Variants in PEAK1 observed in about 807,000 individuals in gnomAD.
PEAK1 encodes pseudopodium enriched atypical kinase 1, also known as inactive tyrosine-protein kinase PEAK1.
Under a neutral mutation model 124.7 loss-of-function variants are expected in PEAK1, and 54 were observed. The ratio of observed to expected loss-of-function variants is 0.43; its 90% CI spans 0.35 to 0.54. The LOEUF (loss-of-function observed/expected upper bound fraction) is 0.54. Among genes scored for constraint, PEAK1 ranks in the 20% least tolerant of loss-of-function variants. PEAK1 has a pLI of 0.01. For missense variants in PEAK1, 2,046 were observed against 2,134.5 expected, an observed-to-expected ratio of 0.96 and a Z score of 0.82; for synonymous variants, 719 against 760.0, an observed-to-expected ratio of 0.95 and a Z score of 0.89.
intron 5 of PEAK1, among the ~76,000 whole-genome samples, chr15:77,261,343 G>A (rs576263808): frequency 6.6e-6 from 1 of 152,070 alleles, no homozygotes; most frequent in Admixed American, 6.6e-5. Context: ...GAGGAAGTTC[G>A]AACCCATGGC....
chr15:77,403,954 G>A (rs2071589045), intron 1 of PEAK1: 3 of 965,676 alleles, frequency 3.1e-6, no homozygotes, highest in Admixed American at 6.2e-5. Flanking sequence ...TTGTTGCATG[G>A]GTAAACTGCG....
chr15:77,181,839 G>C lies in PEAK1; in HGVS notation c.88C>G (p.Pro30Ala). The C allele has an allele frequency of 6.2e-7, 1 of 1,613,642 alleles. No homozygotes were observed. ...CFKPKSLHQL[P>A]PDPEKAPITH... ...ATGGGTGCCTTCTCAGGGTCTGGGG[G>C]AAGCTGGTGCAAACTTTTAGGTTTA... The change falls in exon 7 of 10, where the codon CCC becomes GCC. Residue 30 changes from proline to alanine, a missense_variant. Pro to Ala is a conservative substitution (Grantham distance 27, BLOSUM62 -1). Coordinates refer to ENST00000682557, the MANE Select transcript of PEAK1 (RefSeq NM_001385026.1).
rs1285590151 is a variant in PEAK1, at chr15:77,336,364, G to T, written c.-603+28799C>A. ...CTCTCACCAAAAAGCTCTCATTATA[G>T]AGACGTTTACTAGGAACCAAGGCAG... is the stretch of plus-strand genomic sequence containing the variant. On this transcript the variant is annotated intron_variant, in intron 2 of 9. Coordinates refer to ENST00000682557, the MANE Select transcript of PEAK1 (RefSeq NM_001385026.1). 5.1e-6 allele frequency: 5 copies of T among 985,404 alleles called. No individual in the cohort carries two copies. The East Asian group carries it at 5.7e-4, about 112-fold the overall frequency. 61.0% of individuals were successfully genotyped at this position (985,404 alleles called of 1,614,324 possible).
At chr15:77,336,780 C>T (rs1172141018) in intron 2 of PEAK1, among the ~76,000 whole-genome samples, 1 of 151,510 alleles carries the variant, frequency 6.6e-6, no homozygotes, top group East Asian at 1.9e-4. Context: ...GACAAATACA[C>T]AGTATACATG....
At chr15:77,334,885 T>A in intron 2 of PEAK1, 1 of 985,446 alleles carries the variant, frequency 1.0e-6, no homozygotes, top group Non-Finnish European at 1.2e-6. Flanking sequence ...CCTGTCAGAT[T>A]GCTTCCTTTT....
intron 9 of PEAK1, among the ~76,000 whole-genome samples, chr15:77,115,532 T>C (rs1275477132): frequency 1.3e-5 from 2 of 152,170 alleles, no homozygotes; most frequent in African/African-American, 2.4e-5. Flanking sequence ...ACTTTAAGTG[T>C]ACCATTTTTA....
At chr15:77,129,355 A>C (rs2052648981) in intron 9 of PEAK1, among the ~76,000 whole-genome samples, 1 of 152,228 alleles carries the variant, frequency 6.6e-6, no homozygotes, top group Admixed American at 6.5e-5. Flanking sequence ...AATAACATAC[A>C]GTTAGTACTC....
chr15:77,335,590 T>G (rs1319383263), intron 2 of PEAK1: 2 of 743,718 alleles, frequency 2.7e-6, no homozygotes, highest in Non-Finnish European at 3.3e-6. Context: ...GCGAACCGCC[T>G]GACACAGCCT....
In PEAK1 at chr15:77,252,937, G is replaced by A. The variant is rs141498609; in HGVS notation, c.-274-411C>T. On this transcript the variant is annotated intron_variant, in intron 5 of 9. Transcript: ENST00000682557. ...AGACCTCTCTAAAATATTGAAAGCA[G>A]GTATCTCCAAATGTAAATATTTCAC... Among the ~76,000 whole-genome samples the A allele has an allele frequency of 4.8e-3, 730 of 152,176 alleles. 4 individuals carry two copies. Among genetic ancestry groups the A allele is most frequent in the African/African-American group, 0.016 (677 of 41,516 alleles).
At chr15:77,304,236 T>G (rs2063945332) in intron 2 of PEAK1, among the ~76,000 whole-genome samples, 1 of 152,172 alleles carries the variant, frequency 6.6e-6, no homozygotes, top group Admixed American at 6.5e-5. Flanking sequence ...GGATTTTGAT[T>G]TGGGACTGTG....
intron 5 of PEAK1, among the ~76,000 whole-genome samples, chr15:77,261,855 G>C (rs975108357): frequency 3.3e-5 from 5 of 152,174 alleles, no homozygotes; most frequent in Admixed American, 3.3e-4. Context: ...AGGGCAGCCA[G>C]AGAGAAAGGT....
At chr15:77,262,450 G>A (rs1206039277) in intron 5 of PEAK1, among the ~76,000 whole-genome samples, 1 of 151,234 alleles carries the variant, frequency 6.6e-6, no homozygotes, top group Non-Finnish European at 1.5e-5. Flanking sequence ...AAAGGCAGGG[G>A]TTGCAATCCT....
chr15:77,335,932 C>T (rs2066172003), intron 2 of PEAK1: 1 of 985,390 alleles, frequency 1.0e-6, no homozygotes, highest in Non-Finnish European at 1.2e-6. Flanking sequence ...ATAAGAACAC[C>T]TATCTCTTTC....
chr15:77,249,399 C>T (rs139208219), intron 6 of PEAK1, among the ~76,000 whole-genome samples: 2,342 of 152,218 alleles, frequency 0.015, 29 homozygotes, highest in Middle Eastern at 0.031. Context: ...GAATGTTACT[C>T]TTTAAATTTT....
At chr15:77,147,500 T>G (rs1167424501) in intron 8 of PEAK1, among the ~76,000 whole-genome samples, 2 of 152,216 alleles carry the variant, frequency 1.3e-5, no homozygotes, top group African/African-American at 4.8e-5. Context: ...CGCAGTCTGA[T>G]AAAGCAGTCA....
At position 77,109,050 on chromosome 15, in the gene PEAK1, T is replaced by C. The variant is rs2050837598; in HGVS notation, c.*5106A>G. 2 of 152,206 alleles carry C rather than the reference T, an allele frequency of 1.3e-5. No homozygotes were observed. Among genetic ancestry groups the C allele is most frequent in the African/African-American group, 4.8e-5 (2 of 41,446 alleles). 9.4% of individuals were successfully genotyped at this position (152,206 alleles called of 1,614,324 possible). The stretch of plus-strand genomic sequence containing the variant: ...CTTGTACCTTCTGGGCACTTACAGA[T>C]ATTAAATGATGGTGATGATGAATGG... On this transcript the variant is annotated 3_prime_UTR_variant, in exon 10 of 10. Coordinates refer to ENST00000682557, the MANE Select transcript of PEAK1 (RefSeq NM_001385026.1).
At chr15:77,194,018 C>T (rs2057985656) in intron 6 of PEAK1, among the ~76,000 whole-genome samples, 1 of 152,180 alleles carries the variant, frequency 6.6e-6, no homozygotes, top group African/African-American at 2.4e-5. Context: ...CTTCGGCTGC[C>T]TACTAGACCT....
intron 2 of PEAK1, among the ~76,000 whole-genome samples, chr15:77,301,159 G>A (rs188895946): frequency 6.6e-6 from 1 of 152,278 alleles, no homozygotes; most frequent in Admixed American, 6.5e-5. Flanking sequence ...AATTAGCAGG[G>A]CTGCACTCTC....
intron 1 of PEAK1, among the ~76,000 whole-genome samples, chr15:77,391,476 CAAAAAAAAAAAAAAAA>C (rs536286745): frequency 5.7e-4 from 39 of 68,302 alleles, no homozygotes; most frequent in Middle Eastern, 0.016. Context: ...TAACTCATGG[CAAAAAAAAAAAAAAAA>C]AAAAAAAAAA....
Sources: allele counts gnomAD v4.1 joint callset (sites outside exome capture counted in the v4.1 genomes callset), GRCh38; gene constraint gnomAD v4.1.1; transcripts MANE v1.5; gene names NCBI Gene and HGNC (gene_info 2026-07-23, HGNC 2026-07-21).